Variants in BTG4 observed in about 807,000 individuals in gnomAD.
BTG4 encodes protein BTG4.
A neutral mutation model predicts 19.3 loss-of-function variants in BTG4; 10 were observed. The ratio of observed to expected loss-of-function variants is 0.52; its 90% CI spans 0.32 to 0.88. The LOEUF is 0.88. Ranked by LOEUF, BTG4 falls within the 40% of genes least tolerant of loss-of-function variation. BTG4 has a pLI of 0.04. For synonymous variants in BTG4, 91 were observed against 95.7 expected, an observed-to-expected ratio of 0.95 and a Z score of 0.29; for missense variants, 238 against 281.9, an observed-to-expected ratio of 0.84 and a Z score of 1.11.
At chr11:111,421,927 A>G in the BTG4 span, among the ~76,000 whole-genome samples, 1 of 151,734 alleles carries the variant, frequency 6.6e-6, no homozygotes, top group Non-Finnish European at 1.5e-5. Context: ...AAAAAAAGGC[A>G]GAAGGCATGG....
At chr11:111,456,417 C>T in the BTG4 span, 4 of 430,258 alleles carry the variant, frequency 9.3e-6, no homozygotes, top group South Asian at 6.5e-5. This position sits in a 1 kb window ranked among gnomAD's most constrained non-coding sequence, Gnocchi z 4.2. Context: ...GAGTTCTCAC[C>T]AGCTCCTTCC....
chr11:111,496,842 C>A (rs1458707312), intron 4 of BTG4: 5 of 258,292 alleles, frequency 1.9e-5, no homozygotes, highest in Non-Finnish European at 2.9e-5. Flanking sequence ...GGCCTTTGAC[C>A]TTTCCTATAT....
intron 5 of BTG4, among the ~76,000 whole-genome samples, chr11:111,468,790 T>C (rs1347041071): frequency 6.6e-6 from 1 of 152,048 alleles, no homozygotes; most frequent in Non-Finnish European, 1.5e-5. Context: ...CTGGGAAAAA[T>C]GGAAGCACAT....
chr11:111,444,352 G>C, the BTG4 span, among the ~76,000 whole-genome samples: 2 of 151,620 alleles, frequency 1.3e-5, no homozygotes, highest in Non-Finnish European at 2.9e-5. Context: ...AAACAGGAGA[G>C]TCCTAAGAGG....
chr11:111,497,414 G>A lies in BTG4; in HGVS notation c.312-5C>T. ...GGATGGTTTTTCTCACCATACCTAA[G>A]TAGGAAAAGAAATTTAAGTGCTAAT... On this transcript the variant is annotated splice_region_variant and splice_polypyrimidine_tract_variant and intron_variant, in intron 3 of 4. Coordinates refer to ENST00000692032, the MANE Select transcript of BTG4 (RefSeq NM_001367975.1). The A allele has an allele frequency of 7.3e-7, 1 of 1,374,240 alleles. No homozygotes were observed. The highest frequency in any genetic ancestry group is 9.5e-7 in the Non-Finnish European group (1 of 1,056,316). The allele number at this position is 1,374,240 out of a possible 1,614,324, so 85.1% of individuals were successfully genotyped here.
At chr11:111,401,344 G>T in the BTG4 span, among the ~76,000 whole-genome samples, 3 of 58 alleles carry the variant, frequency 0.052, no homozygotes, top group East Asian at 0.5. Flanking sequence ...TTAGCCGGGC[G>T]TGGTGGAGGC....
At chr11:111,419,028 C>G in the BTG4 span, among the ~76,000 whole-genome samples, 1 of 152,206 alleles carries the variant, frequency 6.6e-6, no homozygotes. Flanking sequence ...ATGGTCTTCC[C>G]TCTATACCTA....
chr11:111,405,741 A>G, the BTG4 span, among the ~76,000 whole-genome samples: 1 of 152,220 alleles, frequency 6.6e-6, no homozygotes, highest in African/African-American at 2.4e-5. Flanking sequence ...ACAAACTCAA[A>G]GCCTGATTTC....
At chr11:111,456,148 C>T in the BTG4 span, among the ~76,000 whole-genome samples, 4 of 152,186 alleles carry the variant, frequency 2.6e-5, no homozygotes, top group Non-Finnish European at 5.9e-5. The surrounding 1 kb of genome is among the most constrained non-coding windows in gnomAD (Gnocchi z 4.2). Context: ...GAGGCACTTC[C>T]TGAAAATAAA....
downstream of BTG4, chr11:111,466,778 A>C (rs534530614): frequency 6.5e-6 from 1 of 152,678 alleles, no homozygotes; most frequent in Non-Finnish European, 1.5e-5. Context: ...AACCTCAGAC[A>C]CTGCAGAAGG....
chr11:111,443,892 A>C, the BTG4 span, among the ~76,000 whole-genome samples: 65 of 152,318 alleles, frequency 4.3e-4, 1 homozygote, highest in Non-Finnish European at 6.8e-4. Context: ...GCTTAGCAAC[A>C]CAGGTGAGTA....
chr11:111,475,225 T>A (rs1207805547), intron 5 of BTG4: 2 of 152,464 alleles, frequency 1.3e-5, no homozygotes, highest in African/African-American at 4.8e-5. Flanking sequence ...GTAAAACACA[T>A]AAATGTGTAT....
At chr11:111,403,249 C>A in the BTG4 span, among the ~76,000 whole-genome samples, 3 of 152,216 alleles carry the variant, frequency 2.0e-5, no homozygotes, top group African/African-American at 4.8e-5. Context: ...ACATAGAAAT[C>A]TGCCTGTGAA....
chr11:111,455,232 C>T, the BTG4 span: 1 of 356,816 alleles, frequency 2.8e-6, no homozygotes, highest in Non-Finnish European at 5.6e-6. Flanking sequence ...CAGTTCCCAC[C>T]ATCTCTGGGA....
the BTG4 span, among the ~76,000 whole-genome samples, chr11:111,401,651 C>T: frequency 6.6e-6 from 1 of 152,168 alleles, no homozygotes; most frequent in African/African-American, 2.4e-5. Flanking sequence ...AAAAATTTGT[C>T]AACTAGCAAT....
chr11:111,474,517 A>G (rs752469205), intron 5 of BTG4, among the ~76,000 whole-genome samples: 2 of 152,146 alleles, frequency 1.3e-5, no homozygotes, highest in African/African-American at 4.8e-5. Flanking sequence ...TAGTTTGTTC[A>G]TTCTCTTTGC....
chr11:111,443,690 G>A, the BTG4 span, among the ~76,000 whole-genome samples: 2 of 152,218 alleles, frequency 1.3e-5, no homozygotes, highest in Non-Finnish European at 2.9e-5. Context: ...AGAACTGAAA[G>A]TGACATCCCG....
the BTG4 span, among the ~76,000 whole-genome samples, chr11:111,396,445 G>C: frequency 6.6e-6 from 1 of 152,206 alleles, no homozygotes; most frequent in South Asian, 2.1e-4. Flanking sequence ...GTTCCAGCAG[G>C]TGCAGCAGAA....
rs114873417 is a variant in BTG4, at chr11:111,505,740, T to A, written c.-27+6441A>T. ...TACAAATTATACCTCCAACAAAGAA[T>A]TAGTATTCAGAATCTACAAGAAATT... On this transcript the variant is annotated intron_variant, in intron 1 of 4. Coordinates refer to ENST00000692032, the MANE Select transcript of BTG4 (RefSeq NM_001367975.1). Among the ~76,000 whole-genome samples, 1,273 of 152,062 alleles carry A rather than the reference T, an allele frequency of 8.4e-3. 19 individuals carry two copies. The highest frequency in any genetic ancestry group is 0.029 in the African/African-American group (1,207 of 41,530).
Sources: gnomAD v4.1 joint callset for allele counts (sites outside exome capture counted in the v4.1 genomes callset) on GRCh38, gnomAD v4.1.1 for gene constraint, Gnocchi (gnomAD v3.1) non-coding constraint, MANE v1.5 for transcripts, NCBI Gene and HGNC (gene_info 2026-07-23, HGNC 2026-07-21) for gene names.